SCLT1: variants seen among roughly 807,000 people sequenced by gnomAD.
SCLT1 encodes the protein sodium channel-associated protein 1.
Under a neutral mutation model 112.8 loss-of-function variants are expected in SCLT1, and 78 were observed. The observed-to-expected ratio is 0.69, with a 90% confidence interval of 0.58 to 0.83. The LOEUF is 0.83. Ranked by LOEUF, SCLT1 falls within the 40% of genes least tolerant of loss-of-function variation. The pLI, the probability that SCLT1 is intolerant of heterozygous loss-of-function variation, is 0.00. For missense variants in SCLT1, 747 were observed against 770.4 expected (o/e 0.97, Z 0.36); for synonymous variants, 257 against 254.7 (o/e 1.01, Z -0.09).
At chr4:128,993,559 C>T (rs1742755601) in intron 8 of SCLT1, among the ~76,000 whole-genome samples, 5 of 152,010 alleles carry the variant, frequency 3.3e-5, no homozygotes, top group Admixed American at 3.3e-4. Flanking sequence ...CTAGTAAGAG[C>T]TCCGCAACTG....
intron 5 of SCLT1, among the ~76,000 whole-genome samples, chr4:129,010,544 T>C (rs1744427878): frequency 6.6e-6 from 1 of 152,238 alleles, no homozygotes. Context: ...TTTCTATCCA[T>C]GAGCATGGAA....
At chr4:128,877,202 T>TATG (rs891880218) in intron 3 of SCLT1, among the ~76,000 whole-genome samples, 1 of 152,222 alleles carries the variant, frequency 6.6e-6, no homozygotes, top group Non-Finnish European at 1.5e-5. Flanking sequence ...TGGTATGTAT[T>TATG]ATGTTAATTA....
chr4:129,016,972 T>C (rs1745048042), intron 5 of SCLT1, among the ~76,000 whole-genome samples: 1 of 152,220 alleles, frequency 6.6e-6, no homozygotes, highest in Non-Finnish European at 1.5e-5. Flanking sequence ...TTATTTTCAA[T>C]TTTACTTTTC....
intron 2 of SCLT1, among the ~76,000 whole-genome samples, chr4:129,081,612 T>C (rs1410113063): frequency 6.6e-6 from 1 of 152,072 alleles, no homozygotes; most frequent in African/African-American, 2.4e-5. Flanking sequence ...TCATGAGAAC[T>C]CACTATCACG....
chr4:128,929,234 G>C (rs916620942), intron 18 of SCLT1, among the ~76,000 whole-genome samples: 7 of 152,102 alleles, frequency 4.6e-5, no homozygotes, highest in Non-Finnish European at 8.8e-5. Flanking sequence ...ATGAGAAAAT[G>C]AAATTAAAAT....
At chr4:128,886,153 C>G (rs532666498) in intron 20 of SCLT1, among the ~76,000 whole-genome samples, 2 of 152,210 alleles carry the variant, frequency 1.3e-5, no homozygotes, top group South Asian at 4.1e-4. Flanking sequence ...AAGGCTTCAC[C>G]ACGCTGATTT....
At chr4:129,008,250 A>G (rs755149248) in intron 5 of SCLT1, among the ~76,000 whole-genome samples, 6 of 152,106 alleles carry the variant, frequency 3.9e-5, no homozygotes, top group Non-Finnish European at 7.4e-5. Context: ...TCATCTGAAA[A>G]TGTACTTATT....
chr4:129,083,335 G>C (rs908058595), intron 1 of SCLT1, among the ~76,000 whole-genome samples: 1 of 149,794 alleles, frequency 6.7e-6, no homozygotes, highest in Admixed American at 6.7e-5. Flanking sequence ...AGATCACACA[G>C]AACATTTAAT....
intron 2 of SCLT1, among the ~76,000 whole-genome samples, chr4:129,067,792 G>A (rs1027795385): frequency 4.6e-5 from 7 of 151,544 alleles, no homozygotes; most frequent in Non-Finnish European, 8.8e-5. Context: ...GATTACAGGC[G>A]TGAGCCACCA....
At chr4:129,045,263 C>T (rs763461600) in intron 2 of SCLT1, among the ~76,000 whole-genome samples, 1 of 152,042 alleles carries the variant, frequency 6.6e-6, no homozygotes, top group Non-Finnish European at 1.5e-5. Flanking sequence ...TACTTTTTTG[C>T]TCAAATTACA....
intron 9 of SCLT1, among the ~76,000 whole-genome samples, chr4:128,986,903 G>C (rs1186937878): frequency 2.0e-5 from 3 of 152,102 alleles, no homozygotes; most frequent in African/African-American, 4.8e-5. Context: ...GTAGCCATGA[G>C]AGTGGGCACG....
chr4:128,939,515 A>G (rs1737501213), intron 17 of SCLT1, among the ~76,000 whole-genome samples: 1 of 152,174 alleles, frequency 6.6e-6, no homozygotes, highest in South Asian at 2.1e-4. Context: ...GTTGGATGGG[A>G]AAAGGGGTTT....
At chr4:129,025,706 C>T (rs1407374702) in intron 5 of SCLT1, among the ~76,000 whole-genome samples, 15 of 152,134 alleles carry the variant, frequency 9.9e-5, no homozygotes, top group Non-Finnish European at 1.0e-4. Flanking sequence ...ACAATATTAA[C>T]TTTAAATGCA....
intron 5 of SCLT1, among the ~76,000 whole-genome samples, chr4:129,012,896 T>C (rs923866664): frequency 6.6e-6 from 1 of 152,120 alleles, no homozygotes; most frequent in Non-Finnish European, 1.5e-5. Flanking sequence ...TTTGAGTCCA[T>C]GTTTGTCACT....
chr4:129,013,615 G>C (rs1744733606), intron 5 of SCLT1, among the ~76,000 whole-genome samples: 1 of 151,916 alleles, frequency 6.6e-6, no homozygotes, highest in East Asian at 1.9e-4. Context: ...TTTCTTTTGA[G>C]AATGTTGACC....
chr4:129,064,667 A>G (rs1305933049), intron 2 of SCLT1, among the ~76,000 whole-genome samples: 1 of 152,146 alleles, frequency 6.6e-6, no homozygotes, highest in Non-Finnish European at 1.5e-5. Context: ...CCATCCTACA[A>G]TTTTTATGTG....
At chr4:128,962,468 A>C (rs941693862) in intron 11 of SCLT1, among the ~76,000 whole-genome samples, 1 of 152,202 alleles carries the variant, frequency 6.6e-6, no homozygotes, top group Non-Finnish European at 1.5e-5. Context: ...TGTCTACTGT[A>C]TCTGGCTTTT....
intron 2 of SCLT1, among the ~76,000 whole-genome samples, chr4:129,052,184 T>C (rs1258709727): frequency 6.6e-6 from 1 of 152,210 alleles, no homozygotes; most frequent in African/African-American, 2.4e-5. Context: ...ACTGAAATTT[T>C]CTTTTTTTGT....
In SCLT1 at chr4:129,003,787, T is replaced by C. The variant is rs145700085; in HGVS notation, c.380A>G (p.Asp127Gly). ...TTCTTGAAGGTTTCTGACTGTTTCATCATCTGCATATATGTCAGTTCCTAC... is the reference window on the plus strand; with the variant it reads ...TTCTTGAAGGTTTCTGACTGTTTCACCATCTGCATATATGTCAGTTCCTAC... ...TEVGTDIYAD[D>G]ETVRNLQEQL... Residue 127 changes from aspartate (D) to glycine (G), a missense_variant, in exon 6 of 21, where the codon GAT becomes GGT. This residue lies in a region of SCLT1 where 723 missense variants were observed against 721.3 expected (regional missense o/e 1.00). Coordinates refer to ENST00000281142, the MANE Select transcript of SCLT1 (RefSeq NM_144643.4). The C allele has an allele frequency of 2.5e-6, 4 of 1,611,728 alleles. No homozygotes were observed. Among genetic ancestry groups the C allele is most frequent in the Non-Finnish European group, 3.4e-6 (4 of 1,178,974 alleles).
Sources: gnomAD v4.1 joint callset for allele counts (sites outside exome capture counted in the v4.1 genomes callset) on GRCh38, gnomAD v4.1.1 for gene constraint, gnomAD v4.1.1 regional missense constraint, MANE v1.5 for transcripts, NCBI Gene and HGNC (gene_info 2026-07-23, HGNC 2026-07-21) for gene names.